The following UST variants were observed in gnomAD, a reference collection of about 807,000 sequenced individuals.
The protein encoded by UST is chondroitin sulfate 2-O-sulfotransferase.
Under a neutral mutation model 45.6 loss-of-function variants are expected in UST, and 21 were observed. The ratio of observed to expected loss-of-function variants is 0.46; its 90% CI spans 0.33 to 0.66. UST has a LOEUF of 0.66. Among genes scored for constraint, UST ranks in the 30% least tolerant of loss-of-function variants. The probability of loss-of-function intolerance (pLI) is 0.02; values close to 1 mark genes in which losing one functional copy is unlikely to be tolerated. For missense variants in UST, 463 were observed against 512.4 expected, an observed-to-expected ratio of 0.90 and a Z score of 0.93; for synonymous variants, 215 against 200.6, an observed-to-expected ratio of 1.07 and a Z score of -0.61.
At chr6:148,868,650 A>ATTTT (rs1778491806) in intron 1 of UST, among the ~76,000 whole-genome samples, 1 of 152,190 alleles carries the variant, frequency 6.6e-6, no homozygotes, top group South Asian at 2.1e-4. Context: ...ATTTTTCAGA[A>ATTTT]TCATACTACA....
At chr6:148,753,502 AT>A (rs904944440) in intron 1 of UST, among the ~76,000 whole-genome samples, 9 of 152,150 alleles carry the variant, frequency 5.9e-5, no homozygotes, top group African/African-American at 1.2e-4. Context: ...TTTCCTAAGA[AT>A]TTTTTTTATT....
intron 2 of UST, among the ~76,000 whole-genome samples, chr6:148,931,842 C>T (rs9390639): frequency 6.6e-6 from 1 of 151,996 alleles, no homozygotes; most frequent in Admixed American, 6.5e-5. Flanking sequence ...AGTTGAAAGG[C>T]CTCTTAGAAG....
At chr6:148,774,291 A>ATATAT (rs1562563682) in intron 1 of UST, among the ~76,000 whole-genome samples, 12 of 146,176 alleles carry the variant, frequency 8.2e-5, no homozygotes, top group African/African-American at 2.5e-4. Context: ...TATATATATA[A>ATATAT]AAATATAATG....
chr6:148,891,859 C>G (rs1779024526), intron 2 of UST, among the ~76,000 whole-genome samples: 1 of 152,178 alleles, frequency 6.6e-6, no homozygotes, highest in Non-Finnish European at 1.5e-5. Flanking sequence ...CTTTTCACAT[C>G]TACTTTATCC....
At position 148,755,299 on chromosome 6, in the gene UST, C is replaced by T. The variant is rs116484372; in HGVS notation, c.247+7622C>T. ...AAATATATAGGAACAGTATTTGCTA[C>T]GTATGTTTCTCTTGAGTAAAATAAC... On this transcript the variant is annotated intron_variant, in intron 1 of 7. Transcript: ENST00000367463. 3.9e-3 allele frequency among the ~76,000 whole-genome samples: 597 copies of T among 152,226 alleles called. 3 individuals carry two copies. Among genetic ancestry groups the T allele is most frequent in the African/African-American group, 0.014 (566 of 41,548 alleles).
intron 1 of UST, among the ~76,000 whole-genome samples, chr6:148,827,481 T>C (rs1306546518): frequency 6.6e-6 from 1 of 152,026 alleles, no homozygotes; most frequent in Non-Finnish European, 1.5e-5. Flanking sequence ...TAGCCAGGCA[T>C]GGTGGCGCAT....
intron 1 of UST, among the ~76,000 whole-genome samples, chr6:148,859,726 C>T (rs1183403065): frequency 6.6e-6 from 1 of 152,168 alleles, no homozygotes; most frequent in Non-Finnish European, 1.5e-5. Flanking sequence ...AGCCAGTTTT[C>T]CCAGCACCAT....
intron 5 of UST, 94 bp downstream of exon 5, chr6:148,964,657 T>C: frequency 1.3e-6 from 2 of 1,515,550 alleles, no homozygotes; most frequent in African/African-American, 1.4e-5. Context: ...CCAGGCCTTC[T>C]CCTTGGCGCC....
chr6:148,952,748 A>C (rs1780391523), intron 3 of UST, among the ~76,000 whole-genome samples: 1 of 152,212 alleles, frequency 6.6e-6, no homozygotes, highest in African/African-American at 2.4e-5. Flanking sequence ...TTTCAACTTG[A>C]ACTATTTCAT....
intron 7 of UST, among the ~76,000 whole-genome samples, chr6:149,062,055 T>C (rs374746530): frequency 6.6e-6 from 1 of 152,198 alleles, no homozygotes; most frequent in African/African-American, 2.4e-5. Flanking sequence ...CCAGCACAAA[T>C]TCATTAGCTG....
intron 7 of UST, among the ~76,000 whole-genome samples, chr6:149,041,256 C>G (rs934839933): frequency 3.9e-4 from 60 of 152,228 alleles, no homozygotes; most frequent in Non-Finnish European, 5.9e-5. Context: ...CTGCTGGCTG[C>G]CTGTGATCCA....
intron 5 of UST, among the ~76,000 whole-genome samples, chr6:149,009,120 A>C (rs1272450613): frequency 6.6e-6 from 1 of 152,246 alleles, no homozygotes; most frequent in Admixed American, 6.5e-5. Flanking sequence ...GAGATTGGAG[A>C]AAATGTTGCA....
At chr6:148,870,538 G>T (rs747874070) in intron 1 of UST, among the ~76,000 whole-genome samples, 1 of 152,198 alleles carries the variant, frequency 6.6e-6, no homozygotes, top group Admixed American at 6.5e-5. Flanking sequence ...ACTCTTCCCA[G>T]TGCCACACCC....
At chr6:148,947,366 C>A (rs777762143) in intron 3 of UST, among the ~76,000 whole-genome samples, 17 of 152,146 alleles carry the variant, frequency 1.1e-4, no homozygotes, top group Admixed American at 5.2e-4. Context: ...TGCTGGGGAG[C>A]GTTCTCACAA....
At chr6:149,072,653 CAAA>C (rs61680098) in intron 7 of UST, among the ~76,000 whole-genome samples, 35,350 of 136,464 alleles carry the variant, frequency 0.26, 4,270 homozygotes, top group Admixed American at 0.3. Flanking sequence ...AACTCCATCT[CAAA>C]AAAAAAAAAA....
intron 2 of UST, among the ~76,000 whole-genome samples, chr6:148,896,411 C>G (rs1478387094): frequency 6.6e-6 from 1 of 152,218 alleles, no homozygotes; most frequent in Non-Finnish European, 1.5e-5. Flanking sequence ...TAGCATGCTT[C>G]CATGTGGCCA....
Position 148,747,341 on chromosome 6 carries a change from G to C in UST, c.-90G>C. On this transcript the variant is annotated 5_prime_UTR_variant, in exon 1 of 8. The change abolishes an upstream ATG in the 5' untranslated region. Transcript: ENST00000367463. ...CTGCCCTCCGCGCGGCCCTCCCCATGTGCAGCCGGCCAGCCGGGCTCTCCT... is the reference window on the plus strand; with the variant it reads ...CTGCCCTCCGCGCGGCCCTCCCCATCTGCAGCCGGCCAGCCGGGCTCTCCT... The C allele has an allele frequency of 7.4e-7, 1 of 1,346,594 alleles. No individual in the cohort carries two copies. Among genetic ancestry groups the C allele is most frequent in the Non-Finnish European group, 9.6e-7 (1 of 1,045,266 alleles). 83.4% of individuals were successfully genotyped at this position (1,346,594 alleles called of 1,614,324 possible). A position where few individuals can be genotyped will look rare whatever the true frequency, so the allele number is the denominator to read the frequency against.
intron 2 of UST, among the ~76,000 whole-genome samples, chr6:148,900,812 T>C (rs946115038): frequency 2.0e-5 from 3 of 152,234 alleles, no homozygotes; most frequent in Non-Finnish European, 4.4e-5. Flanking sequence ...TGGGCTCAAA[T>C]TGAAGAGTCA....
chr6:149,046,816 A>G (rs1776404111), intron 7 of UST, among the ~76,000 whole-genome samples: 1 of 152,234 alleles, frequency 6.6e-6, no homozygotes, highest in Non-Finnish European at 1.5e-5. Flanking sequence ...AGAGACCAAC[A>G]CAATTGTTCC....
Sources: gnomAD v4.1 joint callset for allele counts (sites outside exome capture counted in the v4.1 genomes callset) on GRCh38, gnomAD v4.1.1 for gene constraint, MANE v1.5 for transcripts, NCBI Gene and HGNC (gene_info 2026-07-23, HGNC 2026-07-21) for gene names.